KLKB1: variants seen among roughly 807,000 people sequenced by gnomAD.
KLKB1 encodes kallikrein B1, also known as plasma kallikrein.
In KLKB1, 58 loss-of-function variants were observed where a neutral mutation model predicts 73.6. The observed-to-expected ratio is 0.79, with a 90% confidence interval of 0.64 to 0.98. The LOEUF is 0.98. KLKB1 is among the 50% of genes least tolerant of loss of function. The pLI is 0.00. For synonymous variants in KLKB1, 280 were observed against 258.1 expected (o/e 1.08, Z -0.81); for missense variants, 737 against 763.8 (o/e 0.96, Z 0.41).
At chr4:186,230,182 T>C (rs1737326869) in intron 2 of KLKB1, among the ~76,000 whole-genome samples, 1 of 152,212 alleles carries the variant, frequency 6.6e-6, no homozygotes. Context: ...CAAGCCACTT[T>C]GTACTAGGTT....
rs1215598602 is a variant in KLKB1 at position 186,252,090 on chromosome 4, G to A, written c.1218G>A (p.Val406=). 2.5e-6 allele frequency: 4 copies of A among 1,613,906 alleles called. No individual in the cohort carries two copies. The highest frequency in any genetic ancestry group is 3.3e-5 in the Admixed American group (2 of 60,010). ...NSSWGEWPWQ[V]SLQVKLTAQR... ...CTTGGGGAGAGTGGCCCTGGCAGGT[G>A]AGCCTGCAGGTGAAGCTGACAGCTC... The change falls in exon 11 of 15, where the codon GTG becomes GTA. Residue 406 remains valine, a synonymous_variant. Coordinates refer to ENST00000264690, the MANE Select transcript of KLKB1 (RefSeq NM_000892.5).
rs147213108 is a variant in KLKB1, at chr4:186,247,764, C to T, written c.599-2479C>T. ...TGTGTCTGTTTTACATGAATCCCTT[C>T]TACAAGCTTGGTATTTAATATGGCA... On this transcript the variant is annotated intron_variant, in intron 6 of 14. Transcript: ENST00000264690. Among the ~76,000 whole-genome samples, 514 of 152,290 alleles carry T rather than the reference C, an allele frequency of 3.4e-3. 3 individuals are homozygous for T. Among genetic ancestry groups the T allele is most frequent in the African/African-American group, 0.012 (499 of 41,548 alleles).
At chr4:186,223,130 C>T (rs1737066639), upstream of KLKB1, among the ~76,000 whole-genome samples, 1 of 152,168 alleles carries the variant, frequency 6.6e-6, no homozygotes, top group Non-Finnish European at 1.5e-5. Context: ...TTGTAAGTTT[C>T]CTGAGGCCTC....
At chr4:186,225,481 G>C (rs1737135910), upstream of KLKB1, among the ~76,000 whole-genome samples, 1 of 26,700 alleles carries the variant, frequency 3.7e-5, no homozygotes, top group Non-Finnish European at 6.2e-5. Context: ...CTGGAGTGCA[G>C]TGTGCAGTGG....
chr4:186,242,176 G>C (rs888404348), intron 6 of KLKB1, among the ~76,000 whole-genome samples: 19 of 152,116 alleles, frequency 1.2e-4, no homozygotes, highest in Admixed American at 2.6e-4. Flanking sequence ...TGCTCAGTGG[G>C]GGAGCTTCTG....
In KLKB1 at chr4:186,214,366, T is replaced by C. The variant is rs72647312; in HGVS notation, c.201+5094T>C. The stretch of plus-strand genomic sequence containing the variant: ...TTGCTTAAAAGGACTGTCTTTCATT[T>C]ATGACCAAAAGCGAGTTAGTGTGTG... On this transcript the variant is annotated intron_variant, in intron 2 of 14. Coordinates refer to the KLKB1 transcript ENST00000511608. 7.4e-3 allele frequency among the ~76,000 whole-genome samples: 1,133 copies of C among 152,316 alleles called. 7 individuals are homozygous for C. Among genetic ancestry groups the C allele is most frequent in the African/African-American group, 0.024 (996 of 41,570 alleles).
At chr4:186,215,654 A>T (rs750228543) in intron 2 of KLKB1, among the ~76,000 whole-genome samples, 14 of 152,074 alleles carry the variant, frequency 9.2e-5, no homozygotes, top group Non-Finnish European at 1.5e-4. Context: ...GCTCACTGCA[A>T]CCTTCACCTA....
intron 6 of KLKB1, among the ~76,000 whole-genome samples, chr4:186,240,311 G>T (rs965773658): frequency 6.6e-6 from 1 of 151,870 alleles, no homozygotes; most frequent in African/African-American, 2.4e-5. Flanking sequence ...TATAGTTATA[G>T]GACAGTGATA....
At chr4:186,215,502 C>T (rs28398034) in intron 2 of KLKB1, among the ~76,000 whole-genome samples, 10,975 of 151,064 alleles carry the variant, frequency 0.073, 1,367 homozygotes, top group African/African-American at 0.25. Flanking sequence ...TCCTTGCTTG[C>T]GCAAGTCAAG....
intron 11 of KLKB1, 120 bp downstream of exon 11, chr4:186,252,305 G>A (rs1040299810): frequency 3.6e-6 from 4 of 1,098,526 alleles, no homozygotes; most frequent in East Asian, 2.4e-5. Flanking sequence ...AGCGGGGATG[G>A]TATTCACAAC....
At position 186,233,903 on chromosome 4, in the gene KLKB1, A is replaced by G. The variant is rs182075069; in HGVS notation, c.222-49A>G. 151 of 1,275,404 alleles carry G rather than the reference A, an allele frequency of 1.2e-4. 1 individual carries two copies. The African/African-American group carries it at 2.2e-3, about 18-fold the overall frequency. The allele number at this position is 1,275,404 out of a possible 1,614,324, so 79.0% of individuals were successfully genotyped here. A position where few individuals can be genotyped will look rare whatever the true frequency, so the allele number is the denominator to read the frequency against. On this transcript the variant is annotated intron_variant, in intron 3 of 14. Transcript: ENST00000264690. ...TGTAGAAAATGCTAGACATTTCCTC[A>G]ATGTATGTTTATTATTCTACTTCCT...
At chr4:186,254,522 GA>G (rs1738877180) in intron 11 of KLKB1, 65 bp from the exon 12 acceptor site, 10 of 1,308,846 alleles carry the variant, frequency 7.6e-6, no homozygotes, top group Non-Finnish European at 1.1e-5. Context: ...AGAGTGATAG[GA>G]AAAAGGAACA....
chr4:186,237,806 G>A (rs567468447), intron 5 of KLKB1, among the ~76,000 whole-genome samples: 5 of 151,906 alleles, frequency 3.3e-5, no homozygotes, highest in South Asian at 2.1e-4. Context: ...ATTTTTCAAC[G>A]CCCGCCCCCT....
rs1290427812 is a variant in KLKB1 at position 186,218,651 on chromosome 4, T to TGTGTGC, written c.201+9380_201+9381insTGTGCG. Among the ~76,000 whole-genome samples, 50 of 150,852 alleles carry TGTGTGC rather than the reference T, an allele frequency of 3.3e-4. 2 individuals are homozygous for TGTGTGC. The South Asian group carries it at 3.4e-3, about 10-fold the overall frequency. On this transcript the variant is annotated intron_variant, in intron 2 of 14. Transcript: ENST00000511608. ...CATAGTGTGTGTGTGTGTGTGTGTG[T>TGTGTGC]GCGCATGTGTGTGTGCTGAGAACCC...
In KLKB1 at chr4:186,230,716, T is replaced by G. The variant is rs190220724; in HGVS notation, c.59-1411T>G. Reference sequence around the variant, plus strand: ...CTGTCACATAGCAGTTCACAGAGGCTCAGTTGCAGAATGAGAAGCTCTGGG... The same window carrying G: ...CTGTCACATAGCAGTTCACAGAGGCGCAGTTGCAGAATGAGAAGCTCTGGG... On this transcript the variant is annotated intron_variant, in intron 2 of 14. Transcript: ENST00000264690. Among the ~76,000 whole-genome samples, 120 of 152,266 alleles carry G rather than the reference T, an allele frequency of 7.9e-4. No individual in the cohort carries two copies. In the South Asian group the frequency reaches 0.022, roughly 28 times the overall value.
In KLKB1 at chr4:186,256,083, G is replaced by C. The variant is rs770775928; in HGVS notation, c.1581G>C (p.Glu527Asp). The C allele has an allele frequency of 6.3e-7, 1 of 1,595,544 alleles. No homozygotes were observed. The highest frequency in any genetic ancestry group is 8.6e-7 in the Non-Finnish European group (1 of 1,163,150). ...CWVTGWGFSKEKGEIQNILQK... is the reference protein window; with the variant it reads ...CWVTGWGFSKDKGEIQNILQK... ...TAACCGGATGGGGCTTCTCGAAGGA[G>C]AAAGGTAAGCATGACGCTTTAAATA... Residue 527 changes from glutamate to aspartate, a missense_variant, in exon 13 of 15, where the codon GAG becomes GAC. Transcript: ENST00000264690.
At chr4:186,223,573 A>G (rs1737077192), upstream of KLKB1, among the ~76,000 whole-genome samples, 1 of 152,304 alleles carries the variant, frequency 6.6e-6, no homozygotes, top group South Asian at 2.1e-4. Flanking sequence ...TGAACTTGAG[A>G]GAGATGATTT....
upstream of KLKB1, among the ~76,000 whole-genome samples, chr4:186,226,719 A>T (rs528397547): frequency 3.3e-5 from 5 of 152,292 alleles, no homozygotes; most frequent in East Asian, 7.7e-4. Flanking sequence ...CACTGGGGTG[A>T]GCCCAGCATC....
At chr4:186,227,894 A>G (rs1399373496) in intron 1 of KLKB1, among the ~76,000 whole-genome samples, 1 of 152,214 alleles carries the variant, frequency 6.6e-6, no homozygotes, top group African/African-American at 2.4e-5. Flanking sequence ...AAGAGGTTTC[A>G]TAATTGTTTA....
Sources: allele counts gnomAD v4.1 joint callset (sites outside exome capture counted in the v4.1 genomes callset), GRCh38; gene constraint gnomAD v4.1.1; transcripts MANE v1.5; gene names NCBI Gene and HGNC (gene_info 2026-07-23, HGNC 2026-07-21).